The following CDH11 variants were observed in gnomAD, a reference collection of about 807,000 sequenced individuals.
CDH11 encodes cadherin-11.
Under a neutral mutation model 67.8 loss-of-function variants are expected in CDH11, and 11 were observed. That is an observed-to-expected ratio of 0.16 (90% CI 0.10 to 0.27). The LOEUF (loss-of-function observed/expected upper bound fraction) is 0.27. CDH11 is among the 10% of genes least tolerant of loss of function. CDH11 has a pLI of 1.00. For synonymous variants in CDH11, 419 were observed against 400.0 expected (o/e 1.05, Z -0.57); for missense variants, 847 against 1,031.2 (o/e 0.82, Z 2.45).
intron 1 of CDH11, among the ~76,000 whole-genome samples, chr16:65,092,825 A>G (rs1036216413): frequency 1.3e-5 from 2 of 152,162 alleles, no homozygotes; most frequent in Non-Finnish European, 2.9e-5. Flanking sequence ...CTTAAAGGAA[A>G]AATAAATAAT....
intron 1 of CDH11, among the ~76,000 whole-genome samples, chr16:65,088,568 T>C (rs2074740374): frequency 6.6e-6 from 1 of 152,242 alleles, no homozygotes; most frequent in South Asian, 2.1e-4. Flanking sequence ...TTTTCAGTTG[T>C]ATGAATGAAC....
chr16:65,003,191 T>C (rs1191897794), intron 3 of CDH11, among the ~76,000 whole-genome samples: 1 of 151,376 alleles, frequency 6.6e-6, no homozygotes, highest in Non-Finnish European at 1.5e-5. Flanking sequence ...TAATAAATAA[T>C]ACTATTAATA....
intron 1 of CDH11, among the ~76,000 whole-genome samples, chr16:65,099,756 C>G (rs1432452954): frequency 6.6e-6 from 1 of 152,114 alleles, no homozygotes; most frequent in East Asian, 1.9e-4. Flanking sequence ...TTGACAGAAG[C>G]TAGACGACTC....
intron 2 of CDH11, among the ~76,000 whole-genome samples, chr16:65,016,294 T>C (rs2073306738): frequency 6.6e-6 from 1 of 152,190 alleles, no homozygotes; most frequent in Non-Finnish European, 1.5e-5. Context: ...TTTTCAGATG[T>C]ATTAGTGTCG....
rs772815993 is a variant in CDH11 at position 64,971,657 on chromosome 16, C to A, written c.1564G>T (p.Ala522Ser). ...TISADDKDDT[A>S]NGPRFIFSLP... The stretch of plus-strand genomic sequence containing the variant: ...CTGAAGATAAATCTTGGTCCATTGG[C>A]CGTGTCATCCTTGTCATCTGCACTA... The change falls in exon 11 of 13, where the codon GCC (alanine) becomes TCC (serine). Residue 522 changes from alanine (A) to serine (S), a missense_variant. This residue lies in a region of CDH11 where 612 missense variants were observed against 678.7 expected (regional missense o/e 0.90). Coordinates refer to ENST00000268603, the MANE Select transcript of CDH11 (RefSeq NM_001797.4). 2.6e-5 allele frequency: 42 copies of A among 1,613,106 alleles called. No homozygotes were observed. Among genetic ancestry groups the A allele is most frequent in the Non-Finnish European group, 3.1e-5 (36 of 1,179,504 alleles).
intron 2 of CDH11, among the ~76,000 whole-genome samples, chr16:65,053,342 C>T (rs1257426571): frequency 2.6e-5 from 4 of 152,090 alleles, no homozygotes; most frequent in Admixed American, 1.3e-4. Flanking sequence ...AGAAATCAGG[C>T]CTCCTGGCTC....
intron 12 of CDH11, among the ~76,000 whole-genome samples, chr16:64,950,469 T>C (rs1271386238): frequency 6.6e-6 from 1 of 152,106 alleles, no homozygotes; most frequent in Non-Finnish European, 1.5e-5. Flanking sequence ...AGCCCCCTAG[T>C]GGCTCCTGCT....
intron 2 of CDH11, among the ~76,000 whole-genome samples, chr16:65,026,109 T>G (rs896281773): frequency 9.9e-5 from 15 of 152,202 alleles, no homozygotes; most frequent in Non-Finnish European, 2.1e-4. Context: ...TCAAATCATT[T>G]GTTCCATTAA....
chr16:65,076,098 G>A (rs769375769), intron 1 of CDH11, among the ~76,000 whole-genome samples: 4 of 152,166 alleles, frequency 2.6e-5, no homozygotes, highest in Non-Finnish European at 5.9e-5. Flanking sequence ...CCTGTGCCTT[G>A]AGAGTTTGCC....
At chr16:64,992,536 T>C (rs2072655131) in intron 5 of CDH11, among the ~76,000 whole-genome samples, 1 of 152,258 alleles carries the variant, frequency 6.6e-6, no homozygotes, top group Non-Finnish European at 1.5e-5. Flanking sequence ...ATGAGTGCCA[T>C]GCTCACTTAA....
chr16:64,946,070 A>C lies in CDH11; in HGVS notation c.*1533T>G, dbSNP rs1394313656. The C allele has an allele frequency of 9.5e-7, 1 of 1,057,880 alleles. No homozygotes were observed. The highest frequency in any genetic ancestry group is 1.1e-6 in the Non-Finnish European group (1 of 874,796). 65.5% of individuals were successfully genotyped at this position (1,057,880 alleles called of 1,614,324 possible). On this transcript the variant is annotated 3_prime_UTR_variant, in exon 13 of 13. Transcript: ENST00000268603. ...GACTGTAGACACACTCCTGGACCAA[A>C]TGGCATCGACTCTCAGAATCCAAAA...
At position 64,996,732 on chromosome 16, in the gene CDH11, C is replaced by G. The variant is rs187164853; in HGVS notation, c.523+1830G>C. 9.2e-5 allele frequency among the ~76,000 whole-genome samples: 14 copies of G among 152,186 alleles called. No homozygotes were observed. The East Asian group carries it at 2.1e-3, about 23-fold the overall frequency. On this transcript the variant is annotated intron_variant, in intron 4 of 12. Transcript: ENST00000268603. The stretch of plus-strand genomic sequence containing the variant: ...CATGGTGGCATGAATAATATCATGC[C>G]TTTGCATCAACACGGATGCAGCTGG...
intron 2 of CDH11, among the ~76,000 whole-genome samples, chr16:65,042,780 T>G (rs1329177947): frequency 1.3e-5 from 2 of 152,280 alleles, no homozygotes; most frequent in African/African-American, 4.8e-5. Context: ...ATCCTGACAG[T>G]GATTTCCACT....
At chr16:65,019,771 A>C (rs2073384452) in intron 2 of CDH11, among the ~76,000 whole-genome samples, 1 of 152,036 alleles carries the variant, frequency 6.6e-6, no homozygotes, top group African/African-American at 2.4e-5. Flanking sequence ...TTTTAATTTT[A>C]GTCAATTTGC....
chr16:65,039,978 C>A (rs1216369562), intron 2 of CDH11, among the ~76,000 whole-genome samples: 3 of 152,198 alleles, frequency 2.0e-5, no homozygotes, highest in Admixed American at 1.3e-4. Flanking sequence ...CACTGGCCAT[C>A]AGAGAAATGC....
chr16:65,012,613 A>C (rs1448427518), intron 2 of CDH11, among the ~76,000 whole-genome samples: 1 of 152,190 alleles, frequency 6.6e-6, no homozygotes, highest in East Asian at 1.9e-4. Context: ...AAGGCATCTG[A>C]AGATCTTGGC....
At chr16:65,021,876 G>GGA (rs1555520091) in intron 2 of CDH11, among the ~76,000 whole-genome samples, 1 of 109,860 alleles carries the variant, frequency 9.1e-6, no homozygotes, top group African/African-American at 3.5e-5. Flanking sequence ...AAGTAACTCA[G>GGA]AAAAAAAAAA....
At chr16:65,007,521 A>G (rs565633466) in intron 2 of CDH11, among the ~76,000 whole-genome samples, 1 of 152,300 alleles carries the variant, frequency 6.6e-6, no homozygotes, top group Non-Finnish European at 1.5e-5. Flanking sequence ...GAGCACAAAG[A>G]AGGCCCCAGA....
chr16:64,962,205 T>C (rs2071691441), intron 11 of CDH11, among the ~76,000 whole-genome samples: 1 of 152,150 alleles, frequency 6.6e-6, no homozygotes, highest in African/African-American at 2.4e-5. Flanking sequence ...AAAACAGTTA[T>C]AACTTATACT....
Sources: gnomAD v4.1 joint callset for allele counts (sites outside exome capture counted in the v4.1 genomes callset) on GRCh38, gnomAD v4.1.1 for gene constraint, gnomAD v4.1.1 regional missense constraint, MANE v1.5 for transcripts, NCBI Gene and HGNC (gene_info 2026-07-23, HGNC 2026-07-21) for gene names.